The following EFHC2 variants were observed in gnomAD, a reference collection of about 807,000 sequenced individuals.
EFHC2 encodes the protein EF-hand domain containing 2, also known as EF-hand domain-containing family member C2.
Under a neutral mutation model 52.7 loss-of-function variants are expected in EFHC2, and 18 were observed. The observed-to-expected ratio is 0.34, with a 90% CI of 0.24 to 0.51. EFHC2 has a LOEUF of 0.51. Ranked by LOEUF, EFHC2 falls within the 20% of genes least tolerant of loss-of-function variation. The probability of loss-of-function intolerance (pLI) is 0.97; values close to 1 mark genes in which losing one functional copy is unlikely to be tolerated. For synonymous variants in EFHC2, 203 were observed against 204.1 expected (o/e 0.99, Z 0.04); for missense variants, 513 against 562.5 (o/e 0.91, Z 0.89).
chrX:44,271,269 A>G (rs942153837), intron 3 of EFHC2, among the ~76,000 whole-genome samples: 3 of 111,365 alleles, frequency 2.7e-5, no homozygotes, highest in African/African-American at 9.8e-5. Flanking sequence ...CAGGGAGACC[A>G]CGTTAGGCAG....
chrX:44,270,867 G>A (rs1426976094), intron 3 of EFHC2, among the ~76,000 whole-genome samples: 1 of 110,618 alleles, frequency 9.0e-6, no homozygotes. Context: ...CCCTCAGCCC[G>A]AAGCCCCTTC....
At chrX:44,316,575 G>A (rs1006528421) in intron 1 of EFHC2, among the ~76,000 whole-genome samples, 6 of 105,943 alleles carry the variant, frequency 5.7e-5, no homozygotes, top group Non-Finnish European at 1.2e-4. Flanking sequence ...AATGAAGTTT[G>A]GGTGAGGTGG....
intron 11 of EFHC2, among the ~76,000 whole-genome samples, chrX:44,188,091 C>T (rs2036891083): frequency 9.2e-6 from 1 of 109,186 alleles, no homozygotes; most frequent in South Asian, 4.1e-4. Flanking sequence ...CCACCTCAGC[C>T]TCCCGAGTAT....
chrX:44,278,970 C>T (rs1040961410), intron 2 of EFHC2, among the ~76,000 whole-genome samples: 5 of 111,951 alleles, frequency 4.5e-5, no homozygotes, highest in Non-Finnish European at 7.5e-5. Flanking sequence ...GTACAAGATC[C>T]TTCTTTTTCT....
intron 4 of EFHC2, among the ~76,000 whole-genome samples, chrX:44,252,383 G>T (rs1001547307): frequency 2.4e-4 from 27 of 111,897 alleles, no homozygotes; most frequent in African/African-American, 8.1e-4. Context: ...TATCTGTCGA[G>T]GGCAGTCTAG....
chrX:44,252,986 C>G (rs4578120), intron 4 of EFHC2, among the ~76,000 whole-genome samples: 1 of 111,080 alleles, frequency 9.0e-6, no homozygotes, highest in African/African-American at 3.3e-5. Context: ...GGAGGGCGAG[C>G]TGAAGCAGGG....
Position 44,272,801 on chromosome X carries a change from T to C in EFHC2, c.267A>G (p.Val89=). 2 of 1,164,716 alleles carry C rather than the reference T, an allele frequency of 1.7e-6. No individual in the cohort carries two copies. Among genetic ancestry groups the C allele is most frequent in the South Asian group, 3.8e-5 (2 of 52,571 alleles). ...TGTAGTTGGTTTGGCTTTTATCAAG[T>C]ACTTCCTCTTCCAAATAGGCATCAA... The part of the protein sequence containing the change: ...LSFDAYLEEE[V]LDKSQTNYRI... Residue 89 remains valine, a synonymous_variant, in exon 3 of 15, where the codon GTA becomes GTG. Transcript: ENST00000420999.
rs146931280 is a variant in EFHC2, at chrX:44,192,901, C to A, written c.1752-14337G>T. Among the ~76,000 whole-genome samples, 427 of 110,094 alleles carry A rather than the reference C, an allele frequency of 3.9e-3. 2 individuals carry two copies. The highest frequency in any genetic ancestry group is 0.014 in the African/African-American group (413 of 30,223). On this transcript the variant is annotated intron_variant, in intron 11 of 14. Coordinates refer to ENST00000420999, the MANE Select transcript of EFHC2 (RefSeq NM_025184.4). ...GTGACCATAATGAAAATTCTAAGGC[C>A]CCCCAACCATCTGAATGGACCCCTC...
intron 11 of EFHC2, among the ~76,000 whole-genome samples, chrX:44,212,509 C>T (rs2037107937): frequency 1.8e-5 from 2 of 109,998 alleles, no homozygotes; most frequent in Non-Finnish European, 3.8e-5. Context: ...AAGGGAAATA[C>T]GTGACTCCAG....
chrX:44,156,936 G>A (rs923823063), intron 14 of EFHC2, among the ~76,000 whole-genome samples: 3 of 111,253 alleles, frequency 2.7e-5, no homozygotes, highest in African/African-American at 9.8e-5. Flanking sequence ...ATAATGGAGT[G>A]AGAGTTAAAT....
At chrX:44,161,650 C>T (rs989312184) in intron 14 of EFHC2, among the ~76,000 whole-genome samples, 8 of 111,747 alleles carry the variant, frequency 7.2e-5, no homozygotes, top group African/African-American at 1.3e-4. Flanking sequence ...GGTCAGAGCA[C>T]GGTAGAGGGC....
At chrX:44,174,351 C>T (rs1361615507) in intron 13 of EFHC2, among the ~76,000 whole-genome samples, 2 of 110,537 alleles carry the variant, frequency 1.8e-5, no homozygotes, top group African/African-American at 6.6e-5. Context: ...GATGTGACAA[C>T]CCATTGGTTA....
intron 1 of EFHC2, among the ~76,000 whole-genome samples, chrX:44,318,913 C>T (rs1437837902): frequency 1.8e-5 from 2 of 110,087 alleles, no homozygotes; most frequent in African/African-American, 6.6e-5. Flanking sequence ...CCGAGGGACA[C>T]AGGGACAATA....
At position 44,178,446 on chromosome X, in the gene EFHC2, C is replaced by T. The variant is rs758312435; in HGVS notation, c.1870G>A (p.Ala624Thr). The change falls in exon 12 of 15, where the codon GCC (alanine) becomes ACC (threonine). Residue 624 changes from alanine to threonine, a missense_variant. By Grantham distance (58) the Ala-to-Thr change is moderately conservative. Coordinates refer to ENST00000420999, the MANE Select transcript of EFHC2 (RefSeq NM_025184.4). ...ATATTTTTCTTGAACTTTTCGTGGG[C>T]CAGTGCGATTAAGAAATCCATATCT... ...CSDMDFLIALAHEKFKKNMFE... is the reference protein window; with the variant it reads ...CSDMDFLIALTHEKFKKNMFE... 4 of 1,205,999 alleles carry T rather than the reference C, an allele frequency of 3.3e-6. No individual in the cohort carries two copies. The highest frequency in any genetic ancestry group is 4.6e-4 in the Middle Eastern group (2 of 4,350).
chrX:44,322,759 T>C (rs2038029303), intron 1 of EFHC2, among the ~76,000 whole-genome samples: 1 of 112,242 alleles, frequency 8.9e-6, no homozygotes. Context: ...TATTGGCTTT[T>C]AGAGAGAACT....
intron 11 of EFHC2, among the ~76,000 whole-genome samples, chrX:44,184,723 C>CAA (rs34983921): frequency 1.3e-4 from 6 of 46,159 alleles, no homozygotes; most frequent in Admixed American, 2.3e-4. Flanking sequence ...AATTCCATCT[C>CAA]AAAAAAAAAA....
At chrX:44,174,444 A>T (rs1313913360) in intron 13 of EFHC2, among the ~76,000 whole-genome samples, 2 of 110,695 alleles carry the variant, frequency 1.8e-5, no homozygotes, top group Non-Finnish European at 3.8e-5. Context: ...TTCCAAGGTA[A>T]GGGATAAAGA....
At chrX:44,185,542 CTT>C (rs369280345) in intron 11 of EFHC2, among the ~76,000 whole-genome samples, 1 of 104,106 alleles carries the variant, frequency 9.6e-6, no homozygotes. Flanking sequence ...AATAATAAGT[CTT>C]TTTTTTTTTA....
chrX:44,176,369 G>A lies in EFHC2; in HGVS notation c.1965C>T (p.Pro655=), dbSNP rs1255446126. The change falls in exon 13 of 15, where the codon CCC becomes CCT. Residue 655 remains proline (P), a synonymous_variant. Coordinates refer to ENST00000420999, the MANE Select transcript of EFHC2 (RefSeq NM_025184.4). ...TGCACAGCCTTTTAATGTCTTTGGTGGGTAATACATTTTTTCTGCATTAAA... is the reference window on the plus strand; with the variant it reads ...TGCACAGCCTTTTAATGTCTTTGGTAGGTAATACATTTTTTCTGCATTAAA... ...YEDREKKNVL[P]TKDIKRLCKS... 1.7e-6 allele frequency: 2 copies of A among 1,191,633 alleles called. No homozygotes were observed. Among genetic ancestry groups the A allele is most frequent in the South Asian group, 3.8e-5 (2 of 52,470 alleles).
Sources: allele counts gnomAD v4.1 joint callset (sites outside exome capture counted in the v4.1 genomes callset), GRCh38; gene constraint gnomAD v4.1.1; transcripts MANE v1.5; gene names NCBI Gene and HGNC (gene_info 2026-07-23, HGNC 2026-07-21).